Variants in NCR1 observed in about 807,000 individuals in gnomAD.
NCR1 encodes natural cytotoxicity triggering receptor 1.
NCR1 carries 30 observed loss-of-function variants against 32.5 expected under a neutral mutation model. That is an observed-to-expected ratio of 0.92 (90% confidence interval 0.69 to 1.25). The LOEUF is 1.25. NCR1 is among the 50% of genes most tolerant of loss of function. The probability of loss-of-function intolerance (pLI) is 0.00; values close to 1 mark genes in which losing one functional copy is unlikely to be tolerated. For synonymous variants in NCR1, 169 were observed against 143.4 expected (o/e 1.18, Z -1.28); for missense variants, 369 against 380.7 (o/e 0.97, Z 0.26).
chr19:54,901,832 G>C (rs1334673068), upstream of NCR1, among the ~76,000 whole-genome samples: 1 of 152,172 alleles, frequency 6.6e-6, no homozygotes, highest in South Asian at 2.1e-4. Context: ...GCTGGGCGTG[G>C]TTGTGGGTGC....
chr19:54,920,042 CAT>C (rs934955464), downstream of NCR1, among the ~76,000 whole-genome samples: 3 of 152,176 alleles, frequency 2.0e-5, no homozygotes, highest in Non-Finnish European at 4.4e-5. Context: ...TAATGATACT[CAT>C]ATATAATCAT....
chr19:54,933,279 G>A, the NCR1 span, among the ~76,000 whole-genome samples: 1 of 152,068 alleles, frequency 6.6e-6, no homozygotes, highest in African/African-American at 2.4e-5. Flanking sequence ...CCAAGTAGCT[G>A]GGACTACAGG....
At chr19:54,909,813 T>C (rs774426768) in intron 4 of NCR1, among the ~76,000 whole-genome samples, 3 of 151,114 alleles carry the variant, frequency 2.0e-5, no homozygotes, top group Admixed American at 6.6e-5. Context: ...CGGACACCTG[T>C]AGTCCCAGCT....
the NCR1 span, chr19:54,934,749 G>C: frequency 9.1e-7 from 1 of 1,101,326 alleles, no homozygotes; most frequent in Non-Finnish European, 1.3e-6. The surrounding 1 kb of genome is among the most constrained non-coding windows in gnomAD (Gnocchi z 6.7). Flanking sequence ...TCACTCTGTT[G>C]CCCAGTCTGG....
chr19:54,903,570 GTATA>G (rs1036337379), upstream of NCR1, among the ~76,000 whole-genome samples: 3 of 131,876 alleles, frequency 2.3e-5, no homozygotes, highest in African/African-American at 5.6e-5. Flanking sequence ...ACATATATGT[GTATA>G]TATACGCATA....
At chr19:54,927,580 A>G in the NCR1 span, 1 of 1,611,134 alleles carries the variant, frequency 6.2e-7, no homozygotes, top group African/African-American at 1.3e-5. Context: ...AAAAAACAAA[A>G]CAAAACAAAA....
intron 3 of NCR1, among the ~76,000 whole-genome samples, chr19:54,909,000 TAAA>T (rs57278586): frequency 4.3e-5 from 6 of 138,520 alleles, no homozygotes; most frequent in Admixed American, 1.4e-4. Context: ...AAATAATAAT[TAAA>T]AAAAAAAAAA....
intron 3 of NCR1, among the ~76,000 whole-genome samples, chr19:54,907,153 T>G (rs1181884451): frequency 1.3e-5 from 2 of 151,646 alleles, no homozygotes; most frequent in South Asian, 4.1e-4. Flanking sequence ...TGGTGGGTTT[T>G]TTTTTTTTTT....
the NCR1 span, chr19:54,933,850 C>A: frequency 2.1e-6 from 2 of 936,420 alleles, no homozygotes; most frequent in Non-Finnish European, 1.7e-6. Flanking sequence ...CCTGTTCATC[C>A]CCTGCCCTCT....
chr19:54,904,639 TCTC>T, upstream of NCR1, among the ~76,000 whole-genome samples: 1 of 151,780 alleles, frequency 6.6e-6, no homozygotes, highest in Non-Finnish European at 1.5e-5. Flanking sequence ...TTCAAGCAAT[TCTC>T]CTGCCTCAGC....
chr19:54,903,799 T>TA (rs2067381893), upstream of NCR1, among the ~76,000 whole-genome samples: 1 of 151,928 alleles, frequency 6.6e-6, no homozygotes, highest in South Asian at 2.1e-4. Context: ...AATTTTTTTT[T>TA]ATTAAGTGGA....
At chr19:54,933,215 G>T in the NCR1 span, among the ~76,000 whole-genome samples, 1 of 151,836 alleles carries the variant, frequency 6.6e-6, no homozygotes, top group Admixed American at 6.6e-5. Flanking sequence ...GTGCGATCTC[G>T]GCTCACTGCA....
the NCR1 span, among the ~76,000 whole-genome samples, chr19:54,926,916 TAAAAAAAAA>T: frequency 3.8e-5 from 1 of 26,656 alleles, no homozygotes; most frequent in Middle Eastern, 0.021. Flanking sequence ...ACTCTGTCTT[TAAAAAAAAA>T]AAAAAAAAAA....
rs1465562258 is a variant in NCR1 at position 54,906,589 on chromosome 19, C to T, written c.137C>T (p.Thr46Ile). 1.9e-6 allele frequency: 3 copies of T among 1,613,948 alleles called. No homozygotes were observed. The highest frequency in any genetic ancestry group is 2.5e-6 in the Non-Finnish European group (3 of 1,180,050). ...ATGGTTCCAAAGGAAAAGCAAGTGA[C>T]CATCTGTTGCCAGGGAAATTATGGG... ...HFMVPKEKQV[T>I]ICCQGNYGAV... Residue 46 changes from threonine (T) to isoleucine (I), a missense_variant, in exon 3 of 7, where the codon ACC (threonine) becomes ATC (isoleucine). Thr to Ile is a moderately conservative substitution (Grantham distance 89). Transcript: ENST00000291890.
downstream of NCR1, among the ~76,000 whole-genome samples, chr19:54,916,293 C>T (rs1030839939): frequency 9.9e-5 from 14 of 141,330 alleles, no homozygotes; most frequent in Non-Finnish European, 2.0e-4. Flanking sequence ...CCAGAACTAA[C>T]TCATCTTATA....
chr19:54,906,875 ACT>A (rs2067658581), intron 3 of NCR1, 68 bp downstream of exon 3: 2 of 1,558,062 alleles, frequency 1.3e-6, no homozygotes, highest in African/African-American at 2.7e-5. Flanking sequence ...TCATCTATGA[ACT>A]CTTCCAAGCC....
chr19:54,929,407 TTACTC>T, the NCR1 span, among the ~76,000 whole-genome samples: 84,081 of 151,232 alleles, frequency 0.56, 23,553 homozygotes, highest in East Asian at 0.71. Flanking sequence ...TTTTTTTTCT[TTACTC>T]TACAGCAAAG....
chr19:54,917,977 G>A (rs1006434696), downstream of NCR1, among the ~76,000 whole-genome samples: 3 of 151,802 alleles, frequency 2.0e-5, no homozygotes, highest in Non-Finnish European at 2.9e-5. Flanking sequence ...TTTTTCTTGA[G>A]ACAGAGTCTT....
the NCR1 span, chr19:54,930,603 G>A: frequency 5.0e-3 from 8,008 of 1,612,214 alleles, 296 homozygotes; most frequent in African/African-American, 0.083. Context: ...TGAGGCTGCA[G>A]GCTTCTTGGA....
Sources: allele counts gnomAD v4.1 joint callset (sites outside exome capture counted in the v4.1 genomes callset), GRCh38; gene constraint gnomAD v4.1.1; non-coding constraint Gnocchi (gnomAD v3.1); transcripts MANE v1.5; gene names NCBI Gene and HGNC (gene_info 2026-07-23, HGNC 2026-07-21).